IKBKB: variants seen among roughly 807,000 people sequenced by gnomAD.
The protein encoded by IKBKB is inhibitor of nuclear factor kappa B kinase subunit beta.
In IKBKB, 42 loss-of-function variants were observed where a neutral mutation model predicts 113.6. The ratio of observed to expected loss-of-function variants is 0.37; its 90% CI spans 0.29 to 0.48. The LOEUF is 0.48. IKBKB is among the 20% of genes least tolerant of loss of function. The probability of loss-of-function intolerance (pLI) is 0.99; values close to 1 mark genes in which losing one functional copy is unlikely to be tolerated. For missense variants in IKBKB, 673 were observed against 939.7 expected (o/e 0.72, Z 3.71); for synonymous variants, 296 against 361.3 (o/e 0.82, Z 2.05).
intron 12 of IKBKB, among the ~76,000 whole-genome samples, chr8:42,318,122 TGTG>T (rs1245916114): frequency 1.3e-5 from 2 of 151,986 alleles, no homozygotes; most frequent in Non-Finnish European, 2.9e-5. Flanking sequence ...ATTAGCCAGA[TGTG>T]GTGGTGCATG....
rs17875699 is a variant in IKBKB, at chr8:42,304,795, GC to G, written c.389-391del. On this transcript the variant is annotated intron_variant, in intron 5 of 21. Transcript: ENST00000520810. Reference sequence around the variant, plus strand: ...AACTTCCCTTCTCAAAACTTTATTGGCGTCAGCATCACCTGGAGAGTTTGTT... The same window carrying G: ...AACTTCCCTTCTCAAAACTTTATTGGGTCAGCATCACCTGGAGAGTTTGTT... Among the ~76,000 whole-genome samples, 689 of 152,270 alleles carry G rather than the reference GC, an allele frequency of 4.5e-3. 3 individuals carry two copies. Among genetic ancestry groups the G allele is most frequent in the African/African-American group, 0.016 (656 of 41,548 alleles).
chr8:42,330,995 C>T lies in IKBKB; in HGVS notation c.*16C>T, dbSNP rs1563379628. 6.2e-7 allele frequency: 1 copy of T among 1,603,050 alleles called. No homozygotes were observed. Among genetic ancestry groups the T allele is most frequent in the South Asian group, 1.1e-5 (1 of 90,190 alleles). ...GGCCTCATGATGTGGGGGGACTCGA[C>T]CCCCTGACATGGGGCAGCCCATAGC... On this transcript the variant is annotated 3_prime_UTR_variant, in exon 22 of 22. Transcript: ENST00000520810.
chr8:42,293,394 G>A lies in IKBKB; in HGVS notation c.319-49G>A, dbSNP rs16891170. Reference sequence around the variant, plus strand: ...TGGTAAGAGACATGTGTGGATTTCCGGTGGTTTGTGACCACCAGCTCTGAT... The same window carrying A: ...TGGTAAGAGACATGTGTGGATTTCCAGTGGTTTGTGACCACCAGCTCTGAT... On this transcript the variant is annotated intron_variant, in intron 4 of 21. Coordinates refer to ENST00000520810, the MANE Select transcript of IKBKB (RefSeq NM_001556.3). The A allele has an allele frequency of 3.2e-3, 5,215 of 1,611,478 alleles. 130 individuals carry two copies. The African/African-American group carries it at 0.061, about 19-fold the overall frequency.
At chr8:42,300,557 G>T (rs1814968029) in intron 5 of IKBKB, among the ~76,000 whole-genome samples, 1 of 152,162 alleles carries the variant, frequency 6.6e-6, no homozygotes, top group Non-Finnish European at 1.5e-5. Context: ...TCCCCAGTTT[G>T]TGGTTTGTCA....
chr8:42,274,786 GCCCCCCC>G (rs1224930652), intron 2 of IKBKB, among the ~76,000 whole-genome samples: 7 of 5,546 alleles, frequency 1.3e-3, no homozygotes, highest in African/African-American at 6.7e-3. Flanking sequence ...CCGCCGGCGC[GCCCCCCC>G]CCCCCCCCGC....
chr8:42,288,826 G>A lies in IKBKB; in HGVS notation c.200+98G>A, dbSNP rs557005960. The stretch of plus-strand genomic sequence containing the variant: ...CTTGCTGGGTGCGTGGCTCACGCCT[G>A]TAATCCTAGCACTTTGGAAGGCCAA... On this transcript the variant is annotated intron_variant, in intron 3 of 21. Coordinates refer to ENST00000520810, the MANE Select transcript of IKBKB (RefSeq NM_001556.3). 31 of 932,402 alleles carry A rather than the reference G, an allele frequency of 3.3e-5. No individual in the cohort carries two copies. The African/African-American group carries it at 4.3e-4, about 13-fold the overall frequency. 57.8% of individuals were successfully genotyped at this position (932,402 alleles called of 1,614,324 possible).
chr8:42,319,173 G>A, intron 13 of IKBKB, 97 bp from the exon 14 acceptor site: 2 of 1,081,140 alleles, frequency 1.8e-6, no homozygotes, highest in Non-Finnish European at 2.8e-6. Context: ...ATTATAGCAG[G>A]GACCTCCCTT....
intron 1 of IKBKB, 181 bp from the exon 2 acceptor site, chr8:42,271,902 C>G: frequency 3.0e-6 from 2 of 676,770 alleles, no homozygotes; most frequent in Non-Finnish European, 4.8e-6. Flanking sequence ...GTGAGAGGGA[C>G]AAAAGTTTGC....
chr8:42,271,413 A>T lies in IKBKB; in HGVS notation c.-75A>T, dbSNP rs1360686051. ...TCATAGCCCCGGGTTTGGCCGCCCC[A>T]GCCCCGCCTTCCCCGCCCCGGGGAG... On this transcript the variant is annotated 5_prime_UTR_variant, in exon 1 of 22. Transcript: ENST00000520810. The T allele has an allele frequency of 2.0e-6, 3 of 1,506,426 alleles. No homozygotes were observed. The highest frequency in any genetic ancestry group is 2.7e-6 in the Non-Finnish European group (3 of 1,124,460). The allele number at this position is 1,506,426 out of a possible 1,614,324, so 93.3% of individuals were successfully genotyped here.
At chr8:42,323,874 C>G (rs1394334181) in intron 19 of IKBKB, among the ~76,000 whole-genome samples, 1 of 152,182 alleles carries the variant, frequency 6.6e-6, no homozygotes, top group Non-Finnish European at 1.5e-5. Context: ...TGAATGCTAA[C>G]TATATGCCCA....
intron 5 of IKBKB, among the ~76,000 whole-genome samples, chr8:42,300,629 C>T (rs1276615537): frequency 6.6e-5 from 10 of 152,200 alleles, no homozygotes; most frequent in Non-Finnish European, 1.5e-4. Context: ...TCAATAAGAC[C>T]CACAGGATTG....
At chr8:42,298,951 G>A (rs929457981) in intron 5 of IKBKB, among the ~76,000 whole-genome samples, 5 of 152,068 alleles carry the variant, frequency 3.3e-5, no homozygotes, top group African/African-American at 1.2e-4. Context: ...CTGCCCCTGC[G>A]CTGGCTGCCC....
intron 19 of IKBKB, among the ~76,000 whole-genome samples, chr8:42,323,581 G>A (rs1361102261): frequency 6.6e-6 from 1 of 152,132 alleles, no homozygotes; most frequent in Non-Finnish European, 1.5e-5. Flanking sequence ...AAGGAGAGAG[G>A]GAGATGGTTG....
chr8:42,299,584 G>A (rs1814709270), intron 5 of IKBKB, among the ~76,000 whole-genome samples: 1 of 151,328 alleles, frequency 6.6e-6, no homozygotes, highest in Non-Finnish European at 1.5e-5. Flanking sequence ...GCCTCTGTGT[G>A]TGACCCGCAG....
intron 2 of IKBKB, among the ~76,000 whole-genome samples, chr8:42,281,578 C>T (rs1309840650): frequency 6.6e-6 from 1 of 152,158 alleles, no homozygotes; most frequent in African/African-American, 2.4e-5. Flanking sequence ...AGTCATGGCC[C>T]TCTTAGCGTA....
intron 16 of IKBKB, 196 bp from the exon 17 acceptor site, chr8:42,321,700 A>T (rs1819813830): frequency 3.7e-6 from 2 of 535,822 alleles, no homozygotes; most frequent in African/African-American, 3.8e-5. Flanking sequence ...TTAAAAAAAA[A>T]ATGTTTTTGG....
intron 21 of IKBKB, chr8:42,330,440 C>A: frequency 2.9e-6 from 1 of 349,658 alleles, no homozygotes; most frequent in Non-Finnish European, 4.0e-6. Flanking sequence ...CTCGCCTCTG[C>A]CTCCCAAAGT....
intron 4 of IKBKB, among the ~76,000 whole-genome samples, chr8:42,291,286 A>T (rs577519768): frequency 2.0e-3 from 306 of 152,036 alleles, no homozygotes; most frequent in Non-Finnish European, 3.4e-3. Flanking sequence ...GGTCCACGTG[A>T]TTCTCCTGCC....
Position 42,305,307 on chromosome 8 carries a change from A to G in IKBKB, c.477+32A>G, listed in dbSNP as rs763722617. ...GACCTCCTGGGACTGGGAAAGCCTC[A>G]GGTGGGCGTGCCGGGAAGTGGCCTG... On this transcript the variant is annotated intron_variant, in intron 6 of 21. Transcript: ENST00000520810. 4 of 1,428,038 alleles carry G rather than the reference A, an allele frequency of 2.8e-6. No homozygotes were observed. The East Asian group carries it at 6.8e-5, about 24-fold the overall frequency. 88.5% of individuals were successfully genotyped at this position (1,428,038 alleles called of 1,614,324 possible).
Sources: allele counts gnomAD v4.1 joint callset (sites outside exome capture counted in the v4.1 genomes callset), GRCh38; gene constraint gnomAD v4.1.1; transcripts MANE v1.5; gene names NCBI Gene and HGNC (gene_info 2026-07-23, HGNC 2026-07-21).